Variants in RBFOX1 observed in about 807,000 individuals in gnomAD.
RBFOX1 encodes the protein RNA binding fox-1 homolog 1.
A neutral mutation model predicts 57.7 loss-of-function variants in RBFOX1; 8 were observed. That is an observed-to-expected ratio of 0.14 (90% CI 0.08 to 0.25). The LOEUF (loss-of-function observed/expected upper bound fraction) is 0.25, where lower values mean the gene tolerates loss of function less well. Among genes scored for constraint, RBFOX1 ranks in the 10% least tolerant of loss-of-function variants. RBFOX1 has a pLI of 1.00. For missense variants in RBFOX1, 611 were observed against 548.5 expected (o/e 1.11, Z -1.14); for synonymous variants, 326 against 222.4 (o/e 1.47, Z -4.15).
intron 2 of RBFOX1, among the ~76,000 whole-genome samples, chr16:5,563,260 A>G (rs1453888054): frequency 6.6e-6 from 1 of 152,120 alleles, no homozygotes; most frequent in Non-Finnish European, 1.5e-5. Context: ...AGGCTGTATT[A>G]TTGTATTATT....
intron 2 of RBFOX1, among the ~76,000 whole-genome samples, chr16:5,587,488 G>C (rs577737670): frequency 1.3e-5 from 2 of 152,354 alleles, no homozygotes; most frequent in East Asian, 3.9e-4. Context: ...TGAGGCAGGT[G>C]CATCACCTGA....
intron 2 of RBFOX1, among the ~76,000 whole-genome samples, chr16:6,349,549 A>G (rs992543240): frequency 1.3e-5 from 2 of 152,242 alleles, no homozygotes; most frequent in Non-Finnish European, 2.9e-5. Flanking sequence ...CTATGTCATT[A>G]GTGGTTGGTA....
At chr16:5,450,507 C>A (rs1020867897) in intron 1 of RBFOX1, among the ~76,000 whole-genome samples, 1 of 152,194 alleles carries the variant, frequency 6.6e-6, no homozygotes, top group African/African-American at 2.4e-5. Flanking sequence ...TGGGGCGGGC[C>A]TCTCTGGCAT....
intron 3 of RBFOX1, among the ~76,000 whole-genome samples, chr16:6,656,902 A>ACTCTCCTCTCCTCAC (rs1568077832): frequency 2.2e-5 from 1 of 44,642 alleles, no homozygotes; most frequent in Non-Finnish European, 4.1e-5. Flanking sequence ...CCTCCCCTCA[A>ACTCTCCTCTCCTCAC]CTCTCCTCTC....
At chr16:5,900,015 T>A (rs2152177949) in intron 4 of RBFOX1, among the ~76,000 whole-genome samples, 1 of 152,172 alleles carries the variant, frequency 6.6e-6, no homozygotes, top group East Asian at 1.9e-4. Context: ...GAACTGGAGG[T>A]TGCAGTGAGC....
At position 6,753,806 on chromosome 16, in the gene RBFOX1, G is replaced by A. The variant is rs551148911; in HGVS notation, c.-16+99156G>A. Among the ~76,000 whole-genome samples the A allele has an allele frequency of 9.2e-5, 14 of 152,212 alleles. No homozygotes were observed. The South Asian group carries it at 1.0e-3, about 11-fold the overall frequency. ...GCTGCCACAGCTGAGGCTGTTGCCT[G>A]CTCTACATTGATTGAGTTTCCTGGG... is the stretch of plus-strand genomic sequence containing the variant. On this transcript the variant is annotated intron_variant, in intron 3 of 15. Transcript: ENST00000550418.
intron 2 of RBFOX1, among the ~76,000 whole-genome samples, chr16:6,494,756 C>T (rs1411473784): frequency 6.6e-6 from 1 of 152,154 alleles, no homozygotes; most frequent in Non-Finnish European, 1.5e-5. Flanking sequence ...ATGTTGCACC[C>T]ATTGGAAGTC....
chr16:7,303,323 C>T (rs1026467371), intron 4 of RBFOX1, among the ~76,000 whole-genome samples: 2 of 152,142 alleles, frequency 1.3e-5, no homozygotes, highest in Non-Finnish European at 2.9e-5. Context: ...CTCCCTCCTG[C>T]CCCCAGCCCC....
chr16:6,429,338 C>G (rs1481575798), intron 2 of RBFOX1, among the ~76,000 whole-genome samples: 1 of 152,236 alleles, frequency 6.6e-6, no homozygotes, highest in African/African-American at 2.4e-5. Flanking sequence ...TGCAGGGTTT[C>G]TTGTTGACCC....
At chr16:7,211,827 C>T (rs769714229) in intron 4 of RBFOX1, among the ~76,000 whole-genome samples, 19 of 152,134 alleles carry the variant, frequency 1.2e-4, no homozygotes, top group East Asian at 9.7e-4. Context: ...GTTTATCCCC[C>T]GCCCTTAGCA....
chr16:7,034,827 C>CTTTTTTT (rs113413414), intron 3 of RBFOX1, among the ~76,000 whole-genome samples: 13 of 54,106 alleles, frequency 2.4e-4, no homozygotes, highest in Non-Finnish European at 3.1e-4. Flanking sequence ...TATTGCATTA[C>CTTTTTTT]TTTTTTTTTT....
chr16:5,536,162 A>G (rs781107118), intron 2 of RBFOX1, among the ~76,000 whole-genome samples: 1 of 98,992 alleles, frequency 1.0e-5, no homozygotes, highest in Non-Finnish European at 2.0e-5. Context: ...CTCCTCTCAT[A>G]TTTTTCTTAT....
chr16:6,473,086 C>T (rs1312812360), intron 2 of RBFOX1, among the ~76,000 whole-genome samples: 1 of 152,098 alleles, frequency 6.6e-6, no homozygotes, highest in East Asian at 1.9e-4. Context: ...CTATGTACCC[C>T]TAGTCTTCTG....
intron 3 of RBFOX1, among the ~76,000 whole-genome samples, chr16:6,786,681 C>G (rs992260662): frequency 6.6e-6 from 1 of 152,130 alleles, no homozygotes; most frequent in African/African-American, 2.4e-5. Context: ...CAACAAAGTT[C>G]TGTTTTCCCT....
At chr16:6,881,891 G>T (rs560684050) in intron 3 of RBFOX1, among the ~76,000 whole-genome samples, 1 of 152,176 alleles carries the variant, frequency 6.6e-6, no homozygotes, top group South Asian at 2.1e-4. Context: ...TTCACAGCTG[G>T]AGTTGCTGTA....
intron 2 of RBFOX1, among the ~76,000 whole-genome samples, chr16:6,621,131 C>G (rs764080225): frequency 5.9e-5 from 9 of 152,172 alleles, no homozygotes; most frequent in Non-Finnish European, 1.0e-4. Context: ...GTCTGGGTGT[C>G]TCTGTATTTT....
intron 1 of RBFOX1, among the ~76,000 whole-genome samples, chr16:6,163,429 G>T (rs1455142333): frequency 6.6e-6 from 1 of 152,236 alleles, no homozygotes; most frequent in Non-Finnish European, 1.5e-5. Context: ...TAAGTTCATT[G>T]TTGTTATAGC....
intron 2 of RBFOX1, among the ~76,000 whole-genome samples, chr16:5,509,469 C>T (rs549922202): frequency 1.2e-3 from 190 of 152,294 alleles, no homozygotes; most frequent in Non-Finnish European, 7.5e-4. Context: ...CAATGACAAG[C>T]ACTGTGGCTG....
chr16:5,642,987 C>G (rs928836286), intron 3 of RBFOX1, among the ~76,000 whole-genome samples: 4 of 152,212 alleles, frequency 2.6e-5, no homozygotes, highest in Non-Finnish European at 5.9e-5. Flanking sequence ...CACCGCCTCT[C>G]CTGAGCACGA....
Sources: gnomAD v4.1 joint callset for allele counts (sites outside exome capture counted in the v4.1 genomes callset) on GRCh38, gnomAD v4.1.1 for gene constraint, MANE v1.5 for transcripts, NCBI Gene and HGNC (gene_info 2026-07-23, HGNC 2026-07-21) for gene names.